Variants in KMT2C observed in about 807,000 individuals in gnomAD.
KMT2C encodes the protein histone-lysine N-methyltransferase 2C.
In KMT2C, 88 loss-of-function variants were observed where a neutral mutation model predicts 507.9. The ratio of observed to expected loss-of-function variants is 0.17; its 90% CI spans 0.15 to 0.21. The LOEUF (loss-of-function observed/expected upper bound fraction) is 0.21, where lower values mean the gene tolerates loss of function less well. Among genes scored for constraint, KMT2C ranks in the 10% least tolerant of loss-of-function variants. KMT2C has a pLI of 1.00. For missense variants in KMT2C, 4,954 were observed against 5,957.8 expected (o/e 0.83, Z 5.55); for synonymous variants, 2,049 against 2,080.8 (o/e 0.98, Z 0.42).
rs540819344 is a variant in KMT2C, at chr7:152,299,053, C to T, written c.849+10913G>A. Among the ~76,000 whole-genome samples the T allele has an allele frequency of 1.8e-4, 27 of 152,296 alleles. 1 individual carries two copies. In the South Asian group the frequency reaches 5.2e-3, roughly 29 times the overall value. On this transcript the variant is annotated intron_variant, in intron 6 of 58. Coordinates refer to ENST00000262189, the MANE Select transcript of KMT2C (RefSeq NM_170606.3). Reference sequence around the variant, plus strand: ...AAATAATGTAGGCTGGGCACGGTGGCTCACGCCTGTAATCCCAGCACTTTG... The same window carrying T: ...AAATAATGTAGGCTGGGCACGGTGGTTCACGCCTGTAATCCCAGCACTTTG...
intron 2 of KMT2C, among the ~76,000 whole-genome samples, chr7:152,351,737 A>C (rs918182782): frequency 3.3e-5 from 5 of 152,146 alleles, no homozygotes; most frequent in African/African-American, 4.8e-5. Flanking sequence ...TCTGAACATA[A>C]ATTGTGAAGA....
rs1463296940 is a variant in KMT2C, at chr7:152,257,881, AC to A, written c.1299+5134del. On this transcript the variant is annotated intron_variant, in intron 9 of 58. Coordinates refer to ENST00000262189, the MANE Select transcript of KMT2C (RefSeq NM_170606.3). ...CACACACACGCACACACACACACACACACAAAAAAAACACCTCATAATGTTT... is the reference window on the plus strand; with the variant it reads ...CACACACACGCACACACACACACACAACAAAAAAAACACCTCATAATGTTT... 2.7e-3 allele frequency among the ~76,000 whole-genome samples: 416 copies of A among 151,946 alleles called. 7 individuals are homozygous for A. The highest frequency in any genetic ancestry group is 0.015 in the Admixed American group (236 of 15,274).
intron 1 of KMT2C, among the ~76,000 whole-genome samples, chr7:152,377,658 C>T (rs1350958329): frequency 6.6e-6 from 1 of 150,820 alleles, no homozygotes; most frequent in Admixed American, 6.6e-5. Flanking sequence ...ATCGCTTGAA[C>T]CAGGAGGCAG....
chr7:152,259,637 A>G (rs142584158), intron 9 of KMT2C, among the ~76,000 whole-genome samples: 113 of 152,328 alleles, frequency 7.4e-4, no homozygotes, highest in African/African-American at 2.6e-3. Flanking sequence ...AAAACACATA[A>G]CATACCAACA....
At chr7:152,244,845 TAAAG>T (rs2095443687) in intron 14 of KMT2C, among the ~76,000 whole-genome samples, 1 of 152,202 alleles carries the variant, frequency 6.6e-6, no homozygotes, top group African/African-American at 2.4e-5. Flanking sequence ...AAACATGTCA[TAAAG>T]AAAATAAGCA....
chr7:152,257,962 T>A (rs1339218274), intron 9 of KMT2C, among the ~76,000 whole-genome samples: 1 of 152,176 alleles, frequency 6.6e-6, no homozygotes, highest in Admixed American at 6.5e-5. Context: ...CTGGACCACA[T>A]GTAGCCTGCG....
chr7:152,428,579 C>T (rs766469703), intron 1 of KMT2C, among the ~76,000 whole-genome samples: 2 of 149,772 alleles, frequency 1.3e-5, no homozygotes, highest in Non-Finnish European at 3.0e-5. Flanking sequence ...TGCAGTGAGC[C>T]GAGATCACAC....
chr7:152,189,200 A>AGTCTACTTG (rs1253685639), intron 31 of KMT2C, among the ~76,000 whole-genome samples: 1 of 152,194 alleles, frequency 6.6e-6, no homozygotes, highest in Non-Finnish European at 1.5e-5. Flanking sequence ...TTATTGTGAA[A>AGTCTACTTG]GTCTACTTGT....
intron 27 of KMT2C, 77 bp from the exon 28 acceptor site, chr7:152,196,088 C>A: frequency 1.4e-6 from 1 of 696,650 alleles, no homozygotes; most frequent in Non-Finnish European, 2.3e-6. Context: ...ACCTAGAGTA[C>A]AGCAGATACT....
intron 18 of KMT2C, among the ~76,000 whole-genome samples, chr7:152,229,671 G>A (rs1245841841): frequency 6.6e-6 from 1 of 152,070 alleles, no homozygotes; most frequent in Non-Finnish European, 1.5e-5. Flanking sequence ...ACTATAAATT[G>A]TCTTTTAAAT....
chr7:152,377,756 T>C (rs953239294), intron 1 of KMT2C, among the ~76,000 whole-genome samples: 4 of 138,456 alleles, frequency 2.9e-5, no homozygotes. Context: ...AAAAAAAAAG[T>C]GATTCCTGTA....
Position 152,144,665 on chromosome 7 carries a change from A to G in KMT2C, c.14343+48T>C, listed in dbSNP as rs377278931. 4.5e-5 allele frequency: 70 copies of G among 1,559,492 alleles called. No individual in the cohort carries two copies. Among genetic ancestry groups the G allele is most frequent in the Non-Finnish European group, 6.1e-5 (69 of 1,139,136 alleles). On this transcript the variant is annotated intron_variant, in intron 55 of 58. Transcript: ENST00000262189. This position sits in a 1 kb window ranked among gnomAD's most constrained non-coding sequence, Gnocchi z 4.4. ...TGGACATCAATAGCTTCAGATTGCT[A>G]GACTCCACCCTGTCTCTCCACTTCC...
intron 1 of KMT2C, among the ~76,000 whole-genome samples, chr7:152,417,753 T>C (rs1399330246): frequency 6.6e-6 from 1 of 151,274 alleles, no homozygotes; most frequent in Non-Finnish European, 1.5e-5. Context: ...GCCATCCTCC[T>C]GCTTCAACCT....
At chr7:152,250,382 C>T (rs1032287979) in intron 12 of KMT2C, among the ~76,000 whole-genome samples, 7 of 152,120 alleles carry the variant, frequency 4.6e-5, no homozygotes, top group African/African-American at 1.7e-4. Context: ...TTTCCCCCAA[C>T]ATGGTCTCTT....
intron 6 of KMT2C, among the ~76,000 whole-genome samples, chr7:152,302,890 C>T (rs906252318): frequency 4.9e-4 from 74 of 150,332 alleles, no homozygotes; most frequent in African/African-American, 1.7e-3. Flanking sequence ...GTGATCCACC[C>T]GCCTCAGCCT....
rs752568931 is a variant in KMT2C, at chr7:152,311,775, CATT to C, written c.739+20_739+22del. On this transcript the variant is annotated intron_variant, in intron 5 of 58. Coordinates refer to ENST00000262189, the MANE Select transcript of KMT2C (RefSeq NM_170606.3). ...AATGCTTCCAGAATTAAGAGGCAGT[CATT>C]ATTGAAAACATGCCCATACCTGTAG... 1.3e-5 allele frequency: 20 copies of C among 1,524,436 alleles called. No homozygotes were observed. Among genetic ancestry groups the C allele is most frequent in the Non-Finnish European group, 1.8e-5 (20 of 1,124,320 alleles). 94.4% of individuals were successfully genotyped at this position (1,524,436 alleles called of 1,614,324 possible). A position where few individuals can be genotyped will look rare whatever the true frequency, so the allele number is the denominator to read the frequency against.
At chr7:152,204,608 T>C (rs1358869578) in intron 25 of KMT2C, among the ~76,000 whole-genome samples, 1 of 149,178 alleles carries the variant, frequency 6.7e-6, no homozygotes, top group Non-Finnish European at 1.5e-5. Context: ...GATAGATAGA[T>C]AGATAGATAG....
chr7:152,137,135 C>G lies in KMT2C; in HGVS notation c.14644-211G>C, dbSNP rs112111959. 99 of 516,684 alleles carry G rather than the reference C, an allele frequency of 1.9e-4. 2 individuals carry two copies. Among genetic ancestry groups the G allele is most frequent in the African/African-American group, 1.7e-3 (86 of 49,622 alleles). 32.0% of individuals were successfully genotyped at this position (516,684 alleles called of 1,614,324 possible). A position where few individuals can be genotyped will look rare whatever the true frequency, so the allele number is the denominator to read the frequency against. ...AAATGAGGGAGGCAGTATTTTTAAA[C>G]AGCGAGATCTGAGAACGGGAGCCTG... On this transcript the variant is annotated intron_variant, in intron 58 of 58. Coordinates refer to ENST00000262189, the MANE Select transcript of KMT2C (RefSeq NM_170606.3).
At chr7:152,326,852 G>T (rs1027980411) in intron 3 of KMT2C, among the ~76,000 whole-genome samples, 8 of 152,184 alleles carry the variant, frequency 5.3e-5, no homozygotes, top group Non-Finnish European at 2.9e-5. Flanking sequence ...CTGCACTCCA[G>T]CCTGGGCGAC....
Sources: allele counts gnomAD v4.1 joint callset (sites outside exome capture counted in the v4.1 genomes callset), GRCh38; gene constraint gnomAD v4.1.1; non-coding constraint Gnocchi (gnomAD v3.1); transcripts MANE v1.5; gene names NCBI Gene and HGNC (gene_info 2026-07-23, HGNC 2026-07-21).